Variants in DTWD2 observed in about 807,000 individuals in gnomAD.
DTWD2 encodes the protein tRNA-uridine aminocarboxypropyltransferase 2.
In DTWD2, 39 loss-of-function variants were observed where a neutral mutation model predicts 31.8. That is an observed-to-expected ratio of 1.22 (90% CI 0.95 to 1.60). The LOEUF (loss-of-function observed/expected upper bound fraction) is 1.60. Among genes scored for constraint, DTWD2 ranks in the 40% most tolerant of loss-of-function variants. DTWD2 has a pLI of 0.00. For missense variants in DTWD2, 515 were observed against 381.5 expected, an observed-to-expected ratio of 1.35 and a Z score of -2.92; for synonymous variants, 180 against 142.8, an observed-to-expected ratio of 1.26 and a Z score of -1.86.
At chr5:118,900,050 G>A (rs560250389) in intron 4 of DTWD2, among the ~76,000 whole-genome samples, 1 of 152,064 alleles carries the variant, frequency 6.6e-6, no homozygotes, top group East Asian at 1.9e-4. Context: ...AAATTGATCT[G>A]CCCACCTCGG....
At chr5:118,971,844 A>C (rs1754995097) in intron 1 of DTWD2, among the ~76,000 whole-genome samples, 1 of 152,218 alleles carries the variant, frequency 6.6e-6, no homozygotes, top group Non-Finnish European at 1.5e-5. Context: ...CTACACAACT[A>C]CATGGAAATT....
intron 1 of DTWD2, among the ~76,000 whole-genome samples, chr5:118,986,609 C>T (rs1755433103): frequency 1.3e-5 from 2 of 152,070 alleles, no homozygotes; most frequent in African/African-American, 2.4e-5. Flanking sequence ...AAGAAGTTCA[C>T]CCAGGGTACT....
chr5:118,930,254 T>C (rs1345191132), intron 3 of DTWD2, among the ~76,000 whole-genome samples: 1 of 152,126 alleles, frequency 6.6e-6, no homozygotes, highest in Admixed American at 6.5e-5. Flanking sequence ...TCAACATTCA[T>C]TCAAAAATGT....
At chr5:118,927,613 G>T (rs1019977308) in intron 4 of DTWD2, among the ~76,000 whole-genome samples, 1 of 151,996 alleles carries the variant, frequency 6.6e-6, no homozygotes, top group Non-Finnish European at 1.5e-5. Flanking sequence ...TAAGTATATG[G>T]CAACCAATCT....
chr5:118,876,721 T>C (rs987663373), intron 4 of DTWD2, among the ~76,000 whole-genome samples: 8 of 152,120 alleles, frequency 5.3e-5, no homozygotes, highest in Admixed American at 1.3e-4. Flanking sequence ...AGCTCTGAAA[T>C]TGAGGCAGTA....
At chr5:118,937,353 C>A (rs1754065413) in intron 3 of DTWD2, among the ~76,000 whole-genome samples, 1 of 148,542 alleles carries the variant, frequency 6.7e-6, no homozygotes, top group Non-Finnish European at 1.5e-5. Flanking sequence ...TGAAAACAGC[C>A]ATGAAGGCAG....
chr5:118,850,309 C>CAAAAAAAAAAA (rs74980941), intron 4 of DTWD2, among the ~76,000 whole-genome samples: 6 of 63,076 alleles, frequency 9.5e-5, no homozygotes, highest in Non-Finnish European at 1.0e-4. Context: ...ACCAAAAATA[C>CAAAAAAAAAAA]AAAAAAAAAA....
intron 4 of DTWD2, among the ~76,000 whole-genome samples, chr5:118,894,716 A>G (rs1407073779): frequency 1.3e-5 from 2 of 152,246 alleles, no homozygotes; most frequent in Non-Finnish European, 2.9e-5. Context: ...CATGTTCAAC[A>G]TATGCAAATC....
chr5:118,950,557 G>C (rs1429938617), intron 1 of DTWD2, among the ~76,000 whole-genome samples: 2 of 152,304 alleles, frequency 1.3e-5, no homozygotes, highest in Admixed American at 1.3e-4. Flanking sequence ...TGGCTGCCGG[G>C]CAAGTTGGAC....
intron 4 of DTWD2, among the ~76,000 whole-genome samples, chr5:118,855,211 T>C (rs1182921391): frequency 2.7e-5 from 4 of 145,476 alleles, no homozygotes; most frequent in Admixed American, 6.8e-5. Flanking sequence ...TGTAACTTAG[T>C]GTAAATATGT....
At chr5:118,926,927 G>T (rs1753821768) in intron 4 of DTWD2, among the ~76,000 whole-genome samples, 1 of 152,152 alleles carries the variant, frequency 6.6e-6, no homozygotes, top group Non-Finnish European at 1.5e-5. Flanking sequence ...TTAGGCTGTT[G>T]TAACATTCAT....
chr5:118,968,905 A>G (rs1040959403), intron 1 of DTWD2, among the ~76,000 whole-genome samples: 3 of 152,214 alleles, frequency 2.0e-5, no homozygotes, highest in African/African-American at 7.2e-5. Context: ...AGTGGCAGGA[A>G]GCTGGAGACT....
At chr5:118,854,513 AG>A (rs1386562458) in intron 4 of DTWD2, among the ~76,000 whole-genome samples, 1 of 151,384 alleles carries the variant, frequency 6.6e-6, no homozygotes, top group Non-Finnish European at 1.5e-5. Flanking sequence ...GCACTCATTT[AG>A]AAAAAAAAAA....
intron 1 of DTWD2, among the ~76,000 whole-genome samples, chr5:118,965,672 C>T (rs1754828838): frequency 6.6e-6 from 1 of 152,130 alleles, no homozygotes; most frequent in Non-Finnish European, 1.5e-5. Flanking sequence ...TGTGCTGTGT[C>T]CACTCAGGGT....
At chr5:118,925,284 A>G (rs1037204468) in intron 4 of DTWD2, among the ~76,000 whole-genome samples, 1 of 152,250 alleles carries the variant, frequency 6.6e-6, no homozygotes, top group African/African-American at 2.4e-5. Context: ...AAATAAAAAC[A>G]TAAAGAAAAA....
intron 4 of DTWD2, among the ~76,000 whole-genome samples, chr5:118,914,961 T>A (rs1160770509): frequency 1.3e-5 from 2 of 152,210 alleles, no homozygotes; most frequent in Middle Eastern, 3.2e-3. Flanking sequence ...TTTTTCTGGC[T>A]CACGCCTATA....
intron 1 of DTWD2, among the ~76,000 whole-genome samples, chr5:118,981,391 T>C (rs1460754524): frequency 6.6e-6 from 1 of 152,200 alleles, no homozygotes; most frequent in Non-Finnish European, 1.5e-5. Flanking sequence ...AGAATTAGAC[T>C]GCCAAATAAC....
At chr5:118,874,508 A>C (rs112191883) in intron 4 of DTWD2, among the ~76,000 whole-genome samples, 2,508 of 152,298 alleles carry the variant, frequency 0.016, 80 homozygotes, top group African/African-American at 0.057. Context: ...AATATAGAGA[A>C]GACTGTAAGC....
chr5:118,847,561 A>C (rs117991432), intron 5 of DTWD2, among the ~76,000 whole-genome samples: 1 of 152,270 alleles, frequency 6.6e-6, no homozygotes, highest in East Asian at 1.9e-4. Context: ...CTTTCATAGA[A>C]ATTAAATGAA....
Sources: allele counts gnomAD v4.1 joint callset (sites outside exome capture counted in the v4.1 genomes callset), GRCh38; gene constraint gnomAD v4.1.1; transcripts MANE v1.5; gene names NCBI Gene and HGNC (gene_info 2026-07-23, HGNC 2026-07-21).